SEC22C: variants seen among roughly 807,000 people sequenced by gnomAD.
The protein encoded by SEC22C is vesicle-trafficking protein SEC22c.
SEC22C carries 29 observed loss-of-function variants against 34.7 expected under a neutral mutation model. That is an observed-to-expected ratio of 0.84 (90% CI 0.62 to 1.14). The LOEUF (loss-of-function observed/expected upper bound fraction) is 1.14, where lower values mean the gene tolerates loss of function less well. Among genes scored for constraint, SEC22C ranks in the 50% most tolerant of loss-of-function variants. SEC22C has a pLI of 0.00. For missense variants in SEC22C, 337 were observed against 369.0 expected, an observed-to-expected ratio of 0.91 and a Z score of 0.71; for synonymous variants, 117 against 132.8, an observed-to-expected ratio of 0.88 and a Z score of 0.82.
intron 2 of SEC22C, among the ~76,000 whole-genome samples, chr3:42,565,296 G>A (rs1281325534): frequency 6.6e-6 from 1 of 151,994 alleles, no homozygotes; most frequent in Non-Finnish European, 1.5e-5. Flanking sequence ...CGGTTTTTAG[G>A]TTATGTTGTT....
chr3:42,583,005 T>A (rs926558166), upstream of SEC22C, among the ~76,000 whole-genome samples: 8 of 152,178 alleles, frequency 5.3e-5, no homozygotes, highest in African/African-American at 1.9e-4. Flanking sequence ...TTAAAAATGG[T>A]TATGTACATT....
intron 4 of SEC22C, among the ~76,000 whole-genome samples, chr3:42,560,054 G>A (rs531676802): frequency 9.4e-5 from 14 of 148,682 alleles, no homozygotes; most frequent in Admixed American, 5.4e-4. Context: ...GAAGAGTGGG[G>A]GTTTCAGATC....
At chr3:42,591,553 G>T (rs759754490) in intron 1 of SEC22C, 1 of 1,613,846 alleles carries the variant, frequency 6.2e-7, no homozygotes, top group Admixed American at 1.7e-5. Context: ...CAGCTGATCC[G>T]CTGTATTGTG....
At chr3:42,573,770 A>T (rs1226975038) in intron 1 of SEC22C, among the ~76,000 whole-genome samples, 1 of 152,318 alleles carries the variant, frequency 6.6e-6, no homozygotes, top group Non-Finnish European at 1.5e-5. Flanking sequence ...AGTAAACATT[A>T]AGACAGAACA....
In SEC22C at chr3:42,553,262, C is replaced by G; in HGVS notation, c.898G>C (p.Asp300His). ...CAGTGTCATCCTCATACTCCACAGT[C>G]AGACTGCTTCTCCTGAAGCTGCCTT... ...LTRQLQEKQSDCGV is the reference protein window; with the variant it reads ...LTRQLQEKQSHCGV Residue 300 changes from aspartate (D) to histidine (H), a missense_variant, in exon 7 of 7, where the codon GAC (aspartate) becomes CAC (histidine). Physicochemically the swap from Asp to His is moderately conservative, Grantham distance 81. Coordinates refer to ENST00000264454, the MANE Select transcript of SEC22C (RefSeq NM_032970.4). 1.9e-6 allele frequency: 3 copies of G among 1,614,124 alleles called. No homozygotes were observed. Among genetic ancestry groups the G allele is most frequent in the Non-Finnish European group, 2.5e-6 (3 of 1,180,042 alleles).
intron 1 of SEC22C, chr3:42,591,479 C>G: frequency 6.9e-7 from 1 of 1,449,830 alleles, no homozygotes; most frequent in Non-Finnish European, 9.7e-7. Flanking sequence ...AGGCGTGAGC[C>G]ACTGCGCCCG....
At chr3:42,573,311 A>C (rs1703757120) in intron 1 of SEC22C, 1 of 152,280 alleles carries the variant, frequency 6.6e-6, no homozygotes, top group Non-Finnish European at 1.5e-5. Context: ...GGGTCACTTG[A>C]GGTCAGGAGT....
chr3:42,581,186 C>T lies in SEC22C; in HGVS notation c.-28+660G>A, dbSNP rs1390098427. The T allele has an allele frequency of 6.6e-5, 10 of 152,336 alleles. No homozygotes were observed. In the East Asian group the frequency reaches 1.7e-3, roughly 26 times the overall value. 9.4% of individuals were successfully genotyped at this position (152,336 alleles called of 1,614,324 possible). Reference sequence around the variant, plus strand: ...CTTTAGTGGGATCAACTCTTCTCTGCAAAATGTAATTAAATATTACCCTAT... The same window carrying T: ...CTTTAGTGGGATCAACTCTTCTCTGTAAAATGTAATTAAATATTACCCTAT... On this transcript the variant is annotated intron_variant, in intron 1 of 6. Coordinates refer to ENST00000264454, the MANE Select transcript of SEC22C (RefSeq NM_032970.4).
At chr3:42,590,911 T>C (rs1305237846) in intron 1 of SEC22C, 1 of 1,559,800 alleles carries the variant, frequency 6.4e-7, no homozygotes, top group East Asian at 2.5e-5. Context: ...TCGGTGGCCT[T>C]CGTACCGGAC....
At chr3:42,599,679 G>A (rs980263640) in intron 1 of SEC22C, among the ~76,000 whole-genome samples, 4 of 149,762 alleles carry the variant, frequency 2.7e-5, no homozygotes, top group Non-Finnish European at 4.4e-5. Flanking sequence ...GCGACAGAGC[G>A]AGACTCCGTC....
At chr3:42,570,205 T>C (rs1703531177) in intron 1 of SEC22C, among the ~76,000 whole-genome samples, 1 of 152,218 alleles carries the variant, frequency 6.6e-6, no homozygotes, top group South Asian at 2.1e-4. Context: ...TTCATCTCTG[T>C]ACCTCTATGC....
chr3:42,565,950 T>C, intron 2 of SEC22C: 1 of 450,910 alleles, frequency 2.2e-6, no homozygotes, highest in South Asian at 1.6e-5. Context: ...AAATTACAAA[T>C]GAGTAGAACA....
At chr3:42,585,390 T>C (rs1704577520), upstream of SEC22C, among the ~76,000 whole-genome samples, 1 of 152,156 alleles carries the variant, frequency 6.6e-6, no homozygotes, top group Admixed American at 6.5e-5. Context: ...TCTTCAGTCC[T>C]CCACTCCTAG....
intron 1 of SEC22C, chr3:42,580,583 T>G (rs1274378929): frequency 6.6e-6 from 1 of 152,210 alleles, no homozygotes. Flanking sequence ...GGAACTAAAC[T>G]TGATAGGACC....
chr3:42,557,573 G>A lies in SEC22C; in HGVS notation c.645+5C>T. 7.4e-7 allele frequency: 1 copy of A among 1,351,668 alleles called. No homozygotes were observed. Among genetic ancestry groups the A allele is most frequent in the Admixed American group, 2.2e-5 (1 of 46,136 alleles). The allele number at this position is 1,351,668 out of a possible 1,614,324, so 83.7% of individuals were successfully genotyped here. On this transcript the variant is annotated splice_donor_5th_base_variant and intron_variant, in intron 5 of 6. Coordinates refer to ENST00000264454, the MANE Select transcript of SEC22C (RefSeq NM_032970.4). ...AAACTGTTTTAAAAAAAAAAAAAAG[G>A]TTACCTGTAAAGAATGTTCTGCAAG... is the stretch of plus-strand genomic sequence containing the variant.
At chr3:42,554,800 A>T (rs901225566) in intron 6 of SEC22C, among the ~76,000 whole-genome samples, 1 of 152,190 alleles carries the variant, frequency 6.6e-6, no homozygotes, top group Non-Finnish European at 1.5e-5. Context: ...GGAGAATTAG[A>T]GCCACGCTTT....
At chr3:42,570,660 A>C (rs2125714790) in intron 1 of SEC22C, among the ~76,000 whole-genome samples, 1 of 152,326 alleles carries the variant, frequency 6.6e-6, no homozygotes, top group African/African-American at 2.4e-5. Context: ...GGACCAGGTC[A>C]ACTGCCAGAA....
intron 1 of SEC22C, chr3:42,590,775 A>G: frequency 9.9e-7 from 1 of 1,011,628 alleles, no homozygotes; most frequent in Non-Finnish European, 1.6e-6. Context: ...GCGTCCAGTC[A>G]CAAATGACGT....
intron 2 of SEC22C, among the ~76,000 whole-genome samples, chr3:42,567,783 A>T (rs1013979056): frequency 2.6e-5 from 4 of 152,204 alleles, no homozygotes; most frequent in Admixed American, 1.3e-4. Flanking sequence ...ATAAAAATTT[A>T]AAAATGACCA....
Sources: gnomAD v4.1 joint callset for allele counts (sites outside exome capture counted in the v4.1 genomes callset) on GRCh38, gnomAD v4.1.1 for gene constraint, MANE v1.5 for transcripts, NCBI Gene and HGNC (gene_info 2026-07-23, HGNC 2026-07-21) for gene names.